The following PRKN variants were observed in gnomAD, a reference collection of about 807,000 sequenced individuals.
PRKN encodes E3 ubiquitin-protein ligase parkin.
PRKN carries 56 observed loss-of-function variants against 59.5 expected under a neutral mutation model. The observed-to-expected ratio is 0.94, with a 90% confidence interval of 0.76 to 1.18. The LOEUF (loss-of-function observed/expected upper bound fraction) is 1.18, where lower values mean the gene tolerates loss of function less well. Among genes scored for constraint, PRKN ranks in the 50% most tolerant of loss-of-function variants. PRKN has a pLI of 0.00. For synonymous variants in PRKN, 250 were observed against 222.1 expected (o/e 1.13, Z -1.12); for missense variants, 657 against 596.4 (o/e 1.10, Z -1.06).
At chr6:162,266,298 T>TGTG (rs374591594) in intron 2 of PRKN, among the ~76,000 whole-genome samples, 2 of 146,094 alleles carry the variant, frequency 1.4e-5, no homozygotes, top group Non-Finnish European at 3.0e-5. Flanking sequence ...TACATATATA[T>TGTG]TGTGTGTGTG....
At chr6:162,203,598 G>C (rs762178224) in intron 3 of PRKN, among the ~76,000 whole-genome samples, 7 of 152,164 alleles carry the variant, frequency 4.6e-5, no homozygotes, top group Non-Finnish European at 7.3e-5. Flanking sequence ...ACAATCTTCT[G>C]GGCAAGGTTC....
intron 2 of PRKN, among the ~76,000 whole-genome samples, chr6:162,296,953 G>A (rs1003260632): frequency 6.6e-6 from 1 of 151,874 alleles, no homozygotes; most frequent in Non-Finnish European, 1.5e-5. Flanking sequence ...ACATCTCCAG[G>A]CCTCTCATAT....
intron 4 of PRKN, among the ~76,000 whole-genome samples, chr6:162,094,397 T>C (rs1450374180): frequency 1.3e-4 from 20 of 151,984 alleles, no homozygotes; most frequent in Admixed American, 1.2e-3. Context: ...GGCAGGAGGA[T>C]TGCTTGGGCC....
At position 162,456,954 on chromosome 6, in the gene PRKN, A is replaced by G. The variant is rs562455534; in HGVS notation, c.8-13481T>C. ...GGCCATTTCGAACAATGAAATCACC[A>G]ATAAAAAGCACCAAAATATGAAAAA... is the stretch of plus-strand genomic sequence containing the variant. On this transcript the variant is annotated intron_variant, in intron 1 of 11. Transcript: ENST00000366898. Among the ~76,000 whole-genome samples the G allele has an allele frequency of 2.4e-4, 37 of 152,334 alleles. 1 individual carries two copies. The highest frequency in any genetic ancestry group is 7.9e-4 in the African/African-American group (33 of 41,578).
At chr6:161,707,524 A>G (rs1178407692) in intron 7 of PRKN, among the ~76,000 whole-genome samples, 1 of 152,172 alleles carries the variant, frequency 6.6e-6, no homozygotes, top group Non-Finnish European at 1.5e-5. Flanking sequence ...TCAAAGTGTT[A>G]TTTTTACATT....
intron 6 of PRKN, among the ~76,000 whole-genome samples, chr6:161,911,949 G>A (rs543452760): frequency 1.8e-4 from 27 of 152,132 alleles, no homozygotes; most frequent in Admixed American, 5.9e-4. Context: ...AGGCCGAGGC[G>A]GACAGATCAC....
In PRKN at chr6:161,349,980, A is replaced by G. The variant is rs1725149157; in HGVS notation, c.*119T>C. The G allele has an allele frequency of 6.8e-6, 5 of 739,464 alleles. No individual in the cohort carries two copies. The highest frequency in any genetic ancestry group is 1.7e-5 in the African/African-American group (1 of 57,894). 45.8% of individuals were successfully genotyped at this position (739,464 alleles called of 1,614,324 possible). ...GTAGTTGGACTTTGAAAAAAACTTG[A>G]AGAGTGTGTGTGCGCGCGCGCGCGT... On this transcript the variant is annotated 3_prime_UTR_variant, in exon 12 of 12. Transcript: ENST00000366898. The surrounding 1 kb of genome is among the most constrained non-coding windows in gnomAD (Gnocchi z 5.5).
intron 9 of PRKN, among the ~76,000 whole-genome samples, chr6:161,464,567 C>G (rs531043325): frequency 6.6e-6 from 1 of 152,180 alleles, no homozygotes; most frequent in African/African-American, 2.4e-5. Context: ...GGTTTTCTCA[C>G]GCCCATCTGC....
chr6:162,065,496 T>A lies in PRKN; in HGVS notation c.535-11322A>T, dbSNP rs547795430. On this transcript the variant is annotated intron_variant, in intron 4 of 11. Coordinates refer to ENST00000366898, the MANE Select transcript of PRKN (RefSeq NM_004562.3). ...CTTCACCCAGTCCACTGACTCGAAT[T>A]TCAATATCCTCTGGCAACACCCTCA... Among the ~76,000 whole-genome samples the A allele has an allele frequency of 1.3e-4, 20 of 152,220 alleles. 1 individual carries two copies. In the East Asian group the frequency reaches 3.3e-3, roughly 25 times the overall value.
In PRKN at chr6:162,486,773, A is replaced by G. The variant is rs117401137; in HGVS notation, c.8-43300T>C. Among the ~76,000 whole-genome samples, 569 of 152,280 alleles carry G rather than the reference A, an allele frequency of 3.7e-3. 2 individuals carry two copies. Among genetic ancestry groups the G allele is most frequent in the Non-Finnish European group, 5.8e-3 (396 of 68,014 alleles). Reference sequence around the variant, plus strand: ...AAGATAAACACATCAGTACTCTCATATAAAAGTAGATTTTGGCCAGGCGTG... The same window carrying G: ...AAGATAAACACATCAGTACTCTCATGTAAAAGTAGATTTTGGCCAGGCGTG... On this transcript the variant is annotated intron_variant, in intron 1 of 11. Coordinates refer to ENST00000366898, the MANE Select transcript of PRKN (RefSeq NM_004562.3).
chr6:162,604,494 T>C (rs1449260987), intron 1 of PRKN, among the ~76,000 whole-genome samples: 3 of 152,306 alleles, frequency 2.0e-5, no homozygotes, highest in East Asian at 1.9e-4. Flanking sequence ...TCATCTACCA[T>C]ATATGTTCCC....
chr6:161,867,482 G>C (rs1378093796), intron 6 of PRKN, among the ~76,000 whole-genome samples: 1 of 152,184 alleles, frequency 6.6e-6, no homozygotes, highest in African/African-American at 2.4e-5. Flanking sequence ...TTTAGTCAGA[G>C]GGCCTCAGTG....
chr6:162,635,541 T>C (rs1777675114), intron 1 of PRKN, among the ~76,000 whole-genome samples: 1 of 152,168 alleles, frequency 6.6e-6, no homozygotes, highest in Admixed American at 6.5e-5. Context: ...GTAGACCTTA[T>C]GTCGTAGCTT....
At chr6:161,976,865 A>G (rs922482950) in intron 5 of PRKN, among the ~76,000 whole-genome samples, 2 of 152,242 alleles carry the variant, frequency 1.3e-5, no homozygotes, top group Non-Finnish European at 2.9e-5. Context: ...GCTGCAGTGG[A>G]CATTCAGCTA....
At position 161,936,750 on chromosome 6, in the gene PRKN, A is replaced by G. The variant is rs552762029; in HGVS notation, c.734+36552T>C. Among the ~76,000 whole-genome samples, 12 of 151,286 alleles carry G rather than the reference A, an allele frequency of 7.9e-5. No homozygotes were observed. The South Asian group carries it at 1.0e-3, about 13-fold the overall frequency. ...GAAATTATTAGGCATCCACTTTACA[A>G]TCCTAATTTGGCTCCTTCTGACTTA... On this transcript the variant is annotated intron_variant, in intron 6 of 11. Transcript: ENST00000366898.
intron 6 of PRKN, among the ~76,000 whole-genome samples, chr6:161,812,215 T>C (rs930140029): frequency 7.2e-5 from 11 of 151,954 alleles, no homozygotes; most frequent in Non-Finnish European, 2.9e-5. Context: ...AGGGAGACCC[T>C]GTCTCTAAAA....
chr6:162,253,044 G>A (rs1220386447), intron 3 of PRKN, among the ~76,000 whole-genome samples: 1 of 152,224 alleles, frequency 6.6e-6, no homozygotes, highest in African/African-American at 2.4e-5. Flanking sequence ...TACCACCTGC[G>A]TGTGCTATTC....
At chr6:162,566,294 C>T (rs1194053804) in intron 1 of PRKN, among the ~76,000 whole-genome samples, 2 of 147,590 alleles carry the variant, frequency 1.4e-5, no homozygotes, top group African/African-American at 2.6e-5. Flanking sequence ...AAGATCAGAG[C>T]AGAAATAAAT....
intron 2 of PRKN, among the ~76,000 whole-genome samples, chr6:162,278,746 T>C (rs1032141557): frequency 2.0e-5 from 3 of 152,138 alleles, no homozygotes; most frequent in African/African-American, 7.2e-5. Context: ...ACACAGAAGA[T>C]TGCCCTTTGC....
Sources: gnomAD v4.1 joint callset for allele counts (sites outside exome capture counted in the v4.1 genomes callset) on GRCh38, gnomAD v4.1.1 for gene constraint, Gnocchi (gnomAD v3.1) non-coding constraint, MANE v1.5 for transcripts, NCBI Gene and HGNC (gene_info 2026-07-23, HGNC 2026-07-21) for gene names.